The following RNF144A variants were observed in gnomAD, a reference collection of about 807,000 sequenced individuals.
The protein encoded by RNF144A is ring finger protein 144A, also known as E3 ubiquitin-protein ligase RNF144A.
RNF144A carries 11 observed loss-of-function variants against 38.7 expected under a neutral mutation model. That is an observed-to-expected ratio of 0.28 (90% CI 0.18 to 0.47). The LOEUF (loss-of-function observed/expected upper bound fraction) is 0.47, where lower values mean the gene tolerates loss of function less well. Among genes scored for constraint, RNF144A ranks in the 20% least tolerant of loss-of-function variants. RNF144A has a pLI of 0.99. For synonymous variants in RNF144A, 149 were observed against 143.9 expected, an observed-to-expected ratio of 1.04 and a Z score of -0.25; for missense variants, 316 against 377.2, an observed-to-expected ratio of 0.84 and a Z score of 1.34.
chr2:7,005,353 CT>C (rs2103404967), intron 3 of RNF144A, among the ~76,000 whole-genome samples: 1 of 152,318 alleles, frequency 6.6e-6, no homozygotes, highest in African/African-American at 2.4e-5. Context: ...CCAGGCCTCT[CT>C]TCTGGGGTCT....
chr2:6,950,972 C>G (rs545500657), intron 2 of RNF144A, among the ~76,000 whole-genome samples: 1 of 152,172 alleles, frequency 6.6e-6, no homozygotes, highest in South Asian at 2.1e-4. Context: ...TTTTCACTTT[C>G]TGTAAGTTAT....
At chr2:7,055,418 C>T (rs1673703916) in intron 6 of RNF144A, among the ~76,000 whole-genome samples, 1 of 152,208 alleles carries the variant, frequency 6.6e-6, no homozygotes, top group African/African-American at 2.4e-5. Context: ...TAGCCTACTC[C>T]TTCCCTGCAG....
intron 5 of RNF144A, among the ~76,000 whole-genome samples, chr2:7,017,351 G>T (rs1671210106): frequency 6.7e-6 from 1 of 149,876 alleles, no homozygotes; most frequent in Non-Finnish European, 1.5e-5. Context: ...AGCTCAGAGA[G>T]ATTAAATAAT....
rs1667386984 is a variant in RNF144A, at chr2:6,962,163, A to G, written c.-12+21016A>G. On this transcript the variant is annotated intron_variant, in intron 2 of 8. Coordinates refer to ENST00000320892, the MANE Select transcript of RNF144A (RefSeq NM_014746.6). This position sits in a 1 kb window ranked among gnomAD's most constrained non-coding sequence, Gnocchi z 4.1. ...GGAATGATACCTGGTCTACATAGGG[A>G]GCTAAAGACTGGTTATGCCAGGTGT... Among the ~76,000 whole-genome samples, 1 of 152,182 alleles carries G rather than the reference A, an allele frequency of 6.6e-6. No individual in the cohort carries two copies. Among genetic ancestry groups the G allele is most frequent in the Admixed American group, 6.5e-5 (1 of 15,282 alleles).
In RNF144A at chr2:7,035,575, T is replaced by G. The variant is rs557070041; in HGVS notation, c.748-4054T>G. Among the ~76,000 whole-genome samples the G allele has an allele frequency of 1.7e-4, 26 of 152,314 alleles. No homozygotes were observed. In the East Asian group the frequency reaches 4.6e-3, roughly 27 times the overall value. On this transcript the variant is annotated intron_variant, in intron 8 of 8. Transcript: ENST00000320892. Reference sequence around the variant, plus strand: ...TTTCATTGGCTCCCTGGGGACACATTTCTCTGTCACATAGGGGCTTGCTCC... The same window carrying G: ...TTTCATTGGCTCCCTGGGGACACATGTCTCTGTCACATAGGGGCTTGCTCC...
In RNF144A at chr2:6,947,831, G is replaced by A. The variant is rs190216181; in HGVS notation, c.-12+6684G>A. Among the ~76,000 whole-genome samples, 241 of 152,272 alleles carry A rather than the reference G, an allele frequency of 1.6e-3. 1 individual carries two copies. The highest frequency in any genetic ancestry group is 3.9e-4 in the East Asian group (2 of 5,178). Reference sequence around the variant, plus strand: ...CCTGGCTCTGCCCTGTCCTGCCCACGTGATCTGGAGAAGCCACTTCCCTCT... The same window carrying A: ...CCTGGCTCTGCCCTGTCCTGCCCACATGATCTGGAGAAGCCACTTCCCTCT... On this transcript the variant is annotated intron_variant, in intron 2 of 8. Coordinates refer to ENST00000320892, the MANE Select transcript of RNF144A (RefSeq NM_014746.6).
At chr2:6,921,814 A>G (rs114821000) in intron 1 of RNF144A, among the ~76,000 whole-genome samples, 2,020 of 152,298 alleles carry the variant, frequency 0.013, 39 homozygotes, top group African/African-American at 0.046. Flanking sequence ...GACGGGTCAG[A>G]GTTAGCTAGG....
At chr2:7,023,121 G>C (rs1196305812) in intron 6 of RNF144A, among the ~76,000 whole-genome samples, 1 of 152,082 alleles carries the variant, frequency 6.6e-6, no homozygotes, top group Non-Finnish European at 1.5e-5. Context: ...CACATAAATC[G>C]CACAGCTAGG....
At chr2:7,059,345 C>CA (rs548833029) in intron 6 of RNF144A, among the ~76,000 whole-genome samples, 138 of 149,950 alleles carry the variant, frequency 9.2e-4, no homozygotes, top group African/African-American at 3.1e-3. Context: ...GACTCCGCCT[C>CA]AAAAAAAAAT....
At chr2:7,010,818 C>A (rs904645530) in intron 3 of RNF144A, among the ~76,000 whole-genome samples, 1 of 152,162 alleles carries the variant, frequency 6.6e-6, no homozygotes, top group Non-Finnish European at 1.5e-5. Context: ...TCCTCTCTAC[C>A]CCTGTAGTGG....
At chr2:6,939,262 C>T (rs1000695242) in intron 1 of RNF144A, among the ~76,000 whole-genome samples, 3 of 152,276 alleles carry the variant, frequency 2.0e-5, no homozygotes, top group South Asian at 2.1e-4. Context: ...ATCTGTCCTT[C>T]GATTCTAGCC....
At chr2:7,003,643 A>T (rs1432878012) in intron 3 of RNF144A, among the ~76,000 whole-genome samples, 2 of 152,218 alleles carry the variant, frequency 1.3e-5, no homozygotes, top group Non-Finnish European at 2.9e-5. Flanking sequence ...TTGCACAGTG[A>T]CAGAATCCTC....
intron 1 of RNF144A, among the ~76,000 whole-genome samples, chr2:6,926,645 A>AC (rs1396900310): frequency 6.6e-6 from 1 of 152,000 alleles, no homozygotes; most frequent in Non-Finnish European, 1.5e-5. Flanking sequence ...TTGTCTTTGT[A>AC]CCCCTCTAGC....
chr2:6,996,871 G>GC, intron 2 of RNF144A, 45 bp from the exon 3 acceptor site: 1 of 1,594,336 alleles, frequency 6.3e-7, no homozygotes, highest in Non-Finnish European at 8.6e-7. Flanking sequence ...GCAGGTGGAT[G>GC]CCAGGGGTGG....
chr2:6,975,181 A>G (rs77340346), intron 2 of RNF144A, among the ~76,000 whole-genome samples: 3,905 of 152,292 alleles, frequency 0.026, 136 homozygotes, highest in African/African-American at 0.089. Flanking sequence ...ACAGAGGACT[A>G]CGAAAGGCAC....
intron 2 of RNF144A, among the ~76,000 whole-genome samples, chr2:6,977,265 TCCCAGGGCTGGCAGGAGGCAGG>T (rs996726847): frequency 5.3e-5 from 8 of 152,232 alleles, no homozygotes; most frequent in African/African-American, 1.7e-4. Context: ...TGTGCCAAGA[TCCCAGGGCTGGCAGGAGGCAGG>T]CCCAGGGCTG....
At chr2:7,060,845 T>C (rs1673923484) in intron 6 of RNF144A, among the ~76,000 whole-genome samples, 1 of 152,200 alleles carries the variant, frequency 6.6e-6, no homozygotes, top group African/African-American at 2.4e-5. Flanking sequence ...TCTTATGCTC[T>C]AGTAGCATGT....
intron 3 of RNF144A, among the ~76,000 whole-genome samples, chr2:7,001,000 C>T (rs1670064398): frequency 6.6e-6 from 1 of 152,030 alleles, no homozygotes; most frequent in Admixed American, 6.6e-5. Flanking sequence ...AAAGTTGTAA[C>T]TTAAAAATGT....
intron 2 of RNF144A, among the ~76,000 whole-genome samples, chr2:6,989,445 T>C (rs1669192542): frequency 1.3e-5 from 2 of 152,244 alleles, no homozygotes; most frequent in Admixed American, 6.5e-5. Flanking sequence ...ACCTGGAGAA[T>C]AGTGCTTATG....
Sources: gnomAD v4.1 joint callset for allele counts (sites outside exome capture counted in the v4.1 genomes callset) on GRCh38, gnomAD v4.1.1 for gene constraint, Gnocchi (gnomAD v3.1) non-coding constraint, MANE v1.5 for transcripts, NCBI Gene and HGNC (gene_info 2026-07-23, HGNC 2026-07-21) for gene names.